The following BCAS3 variants were observed in gnomAD, a reference collection of about 807,000 sequenced individuals.
BCAS3 encodes the protein BCAS3 microtubule associated cell migration factor, also known as BCAS4/BCAS3 fusion.
In BCAS3, 53 loss-of-function variants were observed where a neutral mutation model predicts 116.1. The ratio of observed to expected loss-of-function variants is 0.46; its 90% confidence interval spans 0.37 to 0.57. The LOEUF (loss-of-function observed/expected upper bound fraction) is 0.57. Ranked by LOEUF, BCAS3 falls within the 20% of genes least tolerant of loss-of-function variation. BCAS3 has a pLI of 0.00. For synonymous variants in BCAS3, 391 were observed against 408.2 expected (o/e 0.96, Z 0.51); for missense variants, 917 against 1,165.4 (o/e 0.79, Z 3.10).
In BCAS3 at chr17:61,235,697, G is replaced by GC. The variant is rs1215591781; in HGVS notation, c.2426-132630_2426-132629insC. Among the ~76,000 whole-genome samples the GC allele has an allele frequency of 2.8e-5, 1 of 36,242 alleles. No individual in the cohort carries two copies. The highest frequency in any genetic ancestry group is 4.8e-4 in the Admixed American group (1 of 2,078). The allele number at this position is 36,242 out of a possible 152,430, so 23.8% of individuals were successfully genotyped here. On this transcript the variant is annotated intron_variant, in intron 22 of 23. Transcript: ENST00000407086. This position sits in a 1 kb window ranked among gnomAD's most constrained non-coding sequence, Gnocchi z 5.0. ...AACTTGGAAAGAAGACTTTTGAATTGTTTAAAAAAAAAAAAAAGGAGAAGA... is the reference window on the plus strand; with the variant it reads ...AACTTGGAAAGAAGACTTTTGAATTGCTTTAAAAAAAAAAAAAAGGAGAAGA...
In BCAS3 at chr17:61,095,099, C is replaced by T. The variant is rs1313441127; in HGVS notation, c.2425+10535C>T. On this transcript the variant is annotated intron_variant, in intron 22 of 23. Transcript: ENST00000407086. This position sits in a 1 kb window ranked among gnomAD's most constrained non-coding sequence, Gnocchi z 4.7. ...ACATTGCAACTAATTTGTTAAGGAT[C>T]ATATCAAGGAAGAATATCCCCAGAA... is the stretch of plus-strand genomic sequence containing the variant. 6.6e-6 allele frequency among the ~76,000 whole-genome samples: 1 copy of T among 152,092 alleles called. No individual in the cohort carries two copies. Among genetic ancestry groups the T allele is most frequent in the African/African-American group, 2.4e-5 (1 of 41,416 alleles).
At position 61,068,203 on chromosome 17, in the gene BCAS3, A is replaced by T. The variant is rs2070929305; in HGVS notation, c.2030-6717A>T. On this transcript the variant is annotated intron_variant, in intron 19 of 23. Transcript: ENST00000407086. This position sits in a 1 kb window ranked among gnomAD's most constrained non-coding sequence, Gnocchi z 4.3. ...GGTCCATTGAACTTGGATTTGCAAG[A>T]TATGTAACTTTATTTTTCTTTAAAT... is the stretch of plus-strand genomic sequence containing the variant. Among the ~76,000 whole-genome samples, 1 of 152,206 alleles carries T rather than the reference A, an allele frequency of 6.6e-6. No individual in the cohort carries two copies. Among genetic ancestry groups the T allele is most frequent in the Non-Finnish European group, 1.5e-5 (1 of 68,030 alleles).
intron 14 of BCAS3, among the ~76,000 whole-genome samples, chr17:60,949,781 AAACT>A (rs1284802170): frequency 2.6e-5 from 4 of 152,226 alleles, no homozygotes; most frequent in African/African-American, 9.6e-5. Flanking sequence ...CTTTTGCACT[AAACT>A]AACAAATCAG....
At chr17:61,123,005 G>T (rs1397901209) in intron 22 of BCAS3, among the ~76,000 whole-genome samples, 1 of 150,650 alleles carries the variant, frequency 6.6e-6, no homozygotes, top group East Asian at 2.0e-4. Context: ...GCAATGGTGC[G>T]ATCTTGGCTC....
chr17:61,291,242 C>A (rs1166934861), intron 22 of BCAS3, among the ~76,000 whole-genome samples: 1 of 152,092 alleles, frequency 6.6e-6, no homozygotes, highest in African/African-American at 2.4e-5. Context: ...AACGAATAAC[C>A]CAGGCTCCAA....
rs148991649 is a variant in BCAS3, at chr17:61,260,609, C to T, written c.2426-107718C>T. 2.6e-3 allele frequency among the ~76,000 whole-genome samples: 403 copies of T among 152,282 alleles called. 2 individuals are homozygous for T. The highest frequency in any genetic ancestry group is 9.0e-3 in the African/African-American group (376 of 41,562). ...CAGCTTTATTCTCTCCTGAAACTCA[C>T]GGGTAAAATTAGATGCTGGCTGGAC... On this transcript the variant is annotated intron_variant, in intron 22 of 23. Transcript: ENST00000407086.
rs2051797424 is a variant in BCAS3 at position 61,286,459 on chromosome 17, T to G, written c.2426-81868T>G. Among the ~76,000 whole-genome samples the G allele has an allele frequency of 6.6e-6, 1 of 152,164 alleles. No homozygotes were observed. The highest frequency in any genetic ancestry group is 1.5e-5 in the Non-Finnish European group (1 of 68,028). ...AGCAGGATAGAAATCCGACGTGGTG[T>G]TTATGACCCTGGAGGCCATCGATAA... On this transcript the variant is annotated intron_variant, in intron 22 of 23. Coordinates refer to ENST00000407086, the MANE Select transcript of BCAS3 (RefSeq NM_017679.5). This position sits in a 1 kb window ranked among gnomAD's most constrained non-coding sequence, Gnocchi z 4.8.
At chr17:61,009,487 C>T (rs1353228835) in intron 15 of BCAS3, among the ~76,000 whole-genome samples, 1 of 151,968 alleles carries the variant, frequency 6.6e-6, no homozygotes, top group Non-Finnish European at 1.5e-5. Context: ...GTATGACACT[C>T]CTTTAAGGTA....
At chr17:61,177,527 G>T (rs1339547085) in intron 22 of BCAS3, among the ~76,000 whole-genome samples, 1 of 152,166 alleles carries the variant, frequency 6.6e-6, no homozygotes, top group Non-Finnish European at 1.5e-5. Context: ...AGCAAGAAGT[G>T]GTTTCCTGGA....
At chr17:61,317,245 C>T (rs185772832) in intron 22 of BCAS3, among the ~76,000 whole-genome samples, 1 of 152,316 alleles carries the variant, frequency 6.6e-6, no homozygotes, top group African/African-American at 2.4e-5. Flanking sequence ...GCTGTCCTCA[C>T]TAGCTTGAGA....
Position 61,050,907 on chromosome 17 carries a change from G to T in BCAS3, c.2029+10015G>T, listed in dbSNP as rs145623247. On this transcript the variant is annotated intron_variant, in intron 19 of 23. Coordinates refer to ENST00000407086, the MANE Select transcript of BCAS3 (RefSeq NM_017679.5). ...AAAACAAATCCCAGTAAATTTAAAA[G>T]GTTTCAAGTCATACAAAGTATATTC... Among the ~76,000 whole-genome samples the T allele has an allele frequency of 3.5e-3, 533 of 151,994 alleles. 6 individuals are homozygous for T. The highest frequency in any genetic ancestry group is 0.012 in the African/African-American group (515 of 41,492).
intron 3 of BCAS3, 95 bp downstream of exon 3, chr17:60,684,131 A>C: frequency 8.3e-7 from 1 of 1,197,884 alleles, no homozygotes; most frequent in Non-Finnish European, 1.2e-6. Context: ...AGCAACTTCC[A>C]AAAGGTTTTT....
intron 22 of BCAS3, among the ~76,000 whole-genome samples, chr17:61,177,269 A>G (rs1159891176): frequency 1.3e-5 from 2 of 152,250 alleles, no homozygotes; most frequent in Admixed American, 1.3e-4. Context: ...AGTATCAGCT[A>G]TATACACTTG....
chr17:60,785,254 G>C (rs1332922700), intron 6 of BCAS3, among the ~76,000 whole-genome samples: 14 of 152,078 alleles, frequency 9.2e-5, no homozygotes, highest in African/African-American at 3.1e-4. Flanking sequence ...CACCTCCCAG[G>C]GTCAAGTGAT....
At chr17:61,275,807 T>G (rs1188605706) in intron 22 of BCAS3, among the ~76,000 whole-genome samples, 1 of 152,218 alleles carries the variant, frequency 6.6e-6, no homozygotes, top group Non-Finnish European at 1.5e-5. Context: ...GCCCTACATT[T>G]AACCTTCAGA....
At chr17:61,231,290 C>T (rs1035479614) in intron 22 of BCAS3, among the ~76,000 whole-genome samples, 4 of 151,736 alleles carry the variant, frequency 2.6e-5, no homozygotes, top group African/African-American at 9.7e-5. Flanking sequence ...TAATTTTTTG[C>T]TTGTTGATTT....
At position 61,344,244 on chromosome 17, in the gene BCAS3, T is replaced by TA. The variant is rs749353055; in HGVS notation, c.2426-24071dup. On this transcript the variant is annotated intron_variant, in intron 22 of 23. Coordinates refer to ENST00000407086, the MANE Select transcript of BCAS3 (RefSeq NM_017679.5). This position sits in a 1 kb window ranked among gnomAD's most constrained non-coding sequence, Gnocchi z 4.1. The stretch of plus-strand genomic sequence containing the variant: ...ACCTGCCAAAATCATCCTTTGACAT[T>TA]AAAAAAAAAAAATCCCCTTGCTTTT... Among the ~76,000 whole-genome samples, 941 of 145,568 alleles carry TA rather than the reference T, an allele frequency of 6.5e-3. 5 individuals carry two copies. The highest frequency in any genetic ancestry group is 0.017 in the African/African-American group (666 of 39,946).
At chr17:61,044,925 CT>C (rs2067904266) in intron 19 of BCAS3, among the ~76,000 whole-genome samples, 1 of 151,758 alleles carries the variant, frequency 6.6e-6, no homozygotes, top group Non-Finnish European at 1.5e-5. Context: ...CCACACCTGG[CT>C]AATTTTTTGT....
chr17:60,725,835 G>T (rs1183308036), intron 5 of BCAS3, among the ~76,000 whole-genome samples: 1 of 151,176 alleles, frequency 6.6e-6, no homozygotes, highest in South Asian at 2.1e-4. Context: ...CTGGGGGAGG[G>T]TTTTTTTTTC....
Sources: allele counts gnomAD v4.1 joint callset (sites outside exome capture counted in the v4.1 genomes callset), GRCh38; gene constraint gnomAD v4.1.1; non-coding constraint Gnocchi (gnomAD v3.1); transcripts MANE v1.5; gene names NCBI Gene and HGNC (gene_info 2026-07-23, HGNC 2026-07-21).